Variants in CCSER2 observed in about 807,000 individuals in gnomAD.
The protein encoded by CCSER2 is serine-rich coiled-coil domain-containing protein 2.
Under a neutral mutation model 92.3 loss-of-function variants are expected in CCSER2, and 46 were observed. That is an observed-to-expected ratio of 0.50 (90% CI 0.39 to 0.64). The LOEUF (loss-of-function observed/expected upper bound fraction) is 0.64. Ranked by LOEUF, CCSER2 falls within the 30% of genes least tolerant of loss-of-function variation. CCSER2 has a pLI of 0.00. For synonymous variants in CCSER2, 433 were observed against 431.4 expected, an observed-to-expected ratio of 1.00 and a Z score of -0.04; for missense variants, 1,244 against 1,238.9, an observed-to-expected ratio of 1.00 and a Z score of -0.06.
intron 2 of CCSER2, 60 bp from the exon 3 acceptor site, chr10:84,373,559 T>G: frequency 7.6e-7 from 1 of 1,321,348 alleles, no homozygotes; most frequent in Non-Finnish European, 1.1e-6. Context: ...AGCACTTATA[T>G]TTTTAGGACA....
At chr10:84,429,389 A>C (rs917763634) in intron 5 of CCSER2, among the ~76,000 whole-genome samples, 2 of 152,132 alleles carry the variant, frequency 1.3e-5, no homozygotes, top group African/African-American at 4.8e-5. Context: ...CAACTTCACT[A>C]TATATTGTAG....
At chr10:84,410,147 T>C (rs900860604) in intron 3 of CCSER2, among the ~76,000 whole-genome samples, 1 of 152,226 alleles carries the variant, frequency 6.6e-6, no homozygotes, top group Non-Finnish European at 1.5e-5. Context: ...CACAGTTTCT[T>C]TATCTGGTCT....
intron 1 of CCSER2, among the ~76,000 whole-genome samples, chr10:84,360,040 C>G (rs887068002): frequency 2.0e-5 from 3 of 152,102 alleles, no homozygotes; most frequent in Non-Finnish European, 4.4e-5. Flanking sequence ...TCTGGAACTC[C>G]TGACCTCAGG....
intron 9 of CCSER2, among the ~76,000 whole-genome samples, chr10:84,512,096 C>T (rs1849378292): frequency 6.6e-6 from 1 of 151,966 alleles, no homozygotes; most frequent in Non-Finnish European, 1.5e-5. Flanking sequence ...CCCTCAGTCA[C>T]TCCCAATCCA....
chr10:84,447,716 A>G (rs1356750589), intron 6 of CCSER2, among the ~76,000 whole-genome samples: 1 of 152,222 alleles, frequency 6.6e-6, no homozygotes, highest in Admixed American at 6.5e-5. Flanking sequence ...TGGTGCATTT[A>G]AAGTATGAGG....
intron 9 of CCSER2, among the ~76,000 whole-genome samples, chr10:84,488,628 CTT>C (rs1017213732): frequency 2.6e-5 from 4 of 152,254 alleles, no homozygotes; most frequent in African/African-American, 9.6e-5. Context: ...ATTCTTCTCT[CTT>C]TTCTTCTTTA....
chr10:84,385,752 G>A lies in CCSER2; in HGVS notation c.1614+11937G>A, dbSNP rs554575270. 1.1e-4 allele frequency among the ~76,000 whole-genome samples: 17 copies of A among 151,996 alleles called. No individual in the cohort carries two copies. In the South Asian group the frequency reaches 3.5e-3, roughly 32 times the overall value. On this transcript the variant is annotated intron_variant, in intron 3 of 9. Transcript: ENST00000372088. ...GCAACAAATCAAAAATAGATAAATG[G>A]GACTTAATTAAGCTTTTGCACAGCA...
chr10:84,423,982 TAAAA>T (rs3044102), intron 4 of CCSER2, among the ~76,000 whole-genome samples: 4 of 108,176 alleles, frequency 3.7e-5, no homozygotes, highest in African/African-American at 7.3e-5. Context: ...CCCCATCTCT[TAAAA>T]AAAAAAAAAA....
chr10:84,501,912 A>G (rs1246307017), intron 9 of CCSER2, among the ~76,000 whole-genome samples: 1 of 118,090 alleles, frequency 8.5e-6, no homozygotes, highest in African/African-American at 2.8e-5. Flanking sequence ...CGGCCTGTGC[A>G]TCTAAAAGCA....
chr10:84,425,226 T>C (rs1018110634), intron 4 of CCSER2: 11 of 901,502 alleles, frequency 1.2e-5, no homozygotes, highest in African/African-American at 5.4e-5. Flanking sequence ...TTTCCGAAAA[T>C]GTGAGCTTAA....
At chr10:84,508,574 C>T (rs1272786669) in intron 9 of CCSER2, among the ~76,000 whole-genome samples, 2 of 152,114 alleles carry the variant, frequency 1.3e-5, no homozygotes, top group Non-Finnish European at 2.9e-5. Context: ...GTACTACCTC[C>T]TTTGTAGAGA....
intron 3 of CCSER2, among the ~76,000 whole-genome samples, chr10:84,411,650 A>G (rs1337561027): frequency 3.3e-5 from 5 of 152,188 alleles, no homozygotes. Flanking sequence ...ATTTTTGCAC[A>G]CTGATTTTGT....
intron 3 of CCSER2, chr10:84,391,001 T>A: frequency 1.3e-6 from 1 of 772,494 alleles, no homozygotes; most frequent in South Asian, 1.3e-5. Flanking sequence ...CATAAGAACC[T>A]GCTCGTGCTT....
At position 84,457,281 on chromosome 10, in the gene CCSER2, ATATAT is replaced by A. The variant is rs1845726555; in HGVS notation, c.2065-6646_2065-6642del. On this transcript the variant is annotated intron_variant, in intron 6 of 9. Coordinates refer to ENST00000372088, the MANE Select transcript of CCSER2 (RefSeq NM_001284240.2). ...TAAAATATATTATATATAATATATT[ATATAT>A]TATATATTATATATAATATGTTATA... 2.9e-3 allele frequency among the ~76,000 whole-genome samples: 2 copies of A among 684 alleles called. 1 individual carries two copies. Among genetic ancestry groups the A allele is most frequent in the Non-Finnish European group, 6.9e-3 (2 of 290 alleles). 0.4% of individuals were successfully genotyped at this position (684 alleles called of 152,430 possible).
Position 84,329,322 on chromosome 10 carries a change from A to G in CCSER2, c.-40+514A>G, listed in dbSNP as rs1308082216. On this transcript the variant is annotated intron_variant, in intron 1 of 9. Coordinates refer to ENST00000372088, the MANE Select transcript of CCSER2 (RefSeq NM_001284240.2). Reference sequence around the variant, plus strand: ...GACATGTATTTTCATACATTTTTAAATAATGCACCTACTTTCTTGATAAAG... The same window carrying G: ...GACATGTATTTTCATACATTTTTAAGTAATGCACCTACTTTCTTGATAAAG... Among the ~76,000 whole-genome samples the G allele has an allele frequency of 2.0e-5, 3 of 152,246 alleles. No individual in the cohort carries two copies. The East Asian group carries it at 5.8e-4, about 29-fold the overall frequency.
At chr10:84,474,300 T>C (rs895227012) in intron 8 of CCSER2, among the ~76,000 whole-genome samples, 1 of 152,126 alleles carries the variant, frequency 6.6e-6, no homozygotes, top group African/African-American at 2.4e-5. Flanking sequence ...GACTTTGAAA[T>C]TTATAGCCAT....
chr10:84,433,448 CACAT>C (rs1265655022), intron 5 of CCSER2, among the ~76,000 whole-genome samples: 1 of 151,904 alleles, frequency 6.6e-6, no homozygotes, highest in African/African-American at 2.4e-5. Context: ...CACACACACA[CACAT>C]ACACAAGTAT....
intron 6 of CCSER2, among the ~76,000 whole-genome samples, chr10:84,448,168 C>T (rs1845046078): frequency 6.6e-6 from 1 of 152,036 alleles, no homozygotes; most frequent in African/African-American, 2.4e-5. Flanking sequence ...GGATGCCCTC[C>T]TTACCCATTT....
At chr10:84,436,493 G>T (rs1271317979) in intron 5 of CCSER2, among the ~76,000 whole-genome samples, 1 of 151,358 alleles carries the variant, frequency 6.6e-6, no homozygotes, top group Non-Finnish European at 1.5e-5. Flanking sequence ...AAATTAGCCC[G>T]GCGTGCTGGC....
Sources: allele counts gnomAD v4.1 joint callset (sites outside exome capture counted in the v4.1 genomes callset), GRCh38; gene constraint gnomAD v4.1.1; transcripts MANE v1.5; gene names NCBI Gene and HGNC (gene_info 2026-07-23, HGNC 2026-07-21).